The following AHCYL2 variants were observed in gnomAD, a reference collection of about 807,000 sequenced individuals.
AHCYL2 encodes the protein adenosylhomocysteinase like 2.
Under a neutral mutation model 81.4 loss-of-function variants are expected in AHCYL2, and 28 were observed. That is an observed-to-expected ratio of 0.34 (90% CI 0.25 to 0.47). The LOEUF (loss-of-function observed/expected upper bound fraction) is 0.47. Among genes scored for constraint, AHCYL2 ranks in the 20% least tolerant of loss-of-function variants. The probability of loss-of-function intolerance (pLI) is 1.00; values close to 1 mark genes in which losing one functional copy is unlikely to be tolerated. For synonymous variants in AHCYL2, 272 were observed against 290.2 expected, an observed-to-expected ratio of 0.94 and a Z score of 0.64; for missense variants, 551 against 785.1, an observed-to-expected ratio of 0.70 and a Z score of 3.56.
chr7:129,272,047 A>C (rs1377537947), intron 1 of AHCYL2, among the ~76,000 whole-genome samples: 2 of 152,210 alleles, frequency 1.3e-5, no homozygotes, highest in Non-Finnish European at 2.9e-5. Context: ...CCAGGTCATG[A>C]AAAGTTTTGC....
intron 4 of AHCYL2, among the ~76,000 whole-genome samples, chr7:129,395,511 T>G (rs1030690119): frequency 6.6e-6 from 1 of 152,198 alleles, no homozygotes; most frequent in Non-Finnish European, 1.5e-5. Context: ...AGATCCTTAC[T>G]TTGTATCAGT....
chr7:129,415,497 AC>A (rs1427935845), intron 12 of AHCYL2, among the ~76,000 whole-genome samples: 3 of 152,158 alleles, frequency 2.0e-5, no homozygotes, highest in African/African-American at 7.2e-5. Flanking sequence ...GAAGTTAACT[AC>A]CTTGTCAGGC....
At chr7:129,410,676 C>T (rs1030614226) in intron 11 of AHCYL2, among the ~76,000 whole-genome samples, 10 of 152,110 alleles carry the variant, frequency 6.6e-5, no homozygotes, top group Non-Finnish European at 1.0e-4. Flanking sequence ...AGAAAGTAGA[C>T]GAGGTTATTC....
At chr7:129,278,095 T>C (rs1791856672) in intron 1 of AHCYL2, among the ~76,000 whole-genome samples, 1 of 152,216 alleles carries the variant, frequency 6.6e-6, no homozygotes, top group Admixed American at 6.5e-5. Context: ...GTCTTTATTT[T>C]TAGCCATTCT....
intron 10 of AHCYL2, among the ~76,000 whole-genome samples, chr7:129,407,837 G>A (rs1424577338): frequency 6.6e-6 from 1 of 152,218 alleles, no homozygotes; most frequent in African/African-American, 2.4e-5. Context: ...GGAGCATAAA[G>A]GAGAAATTGC....
intron 1 of AHCYL2, among the ~76,000 whole-genome samples, chr7:129,338,727 G>C (rs1441259955): frequency 6.6e-6 from 1 of 152,140 alleles, no homozygotes. Flanking sequence ...TGGATTGTTG[G>C]TCTTTTAAAA....
In AHCYL2 at chr7:129,225,072, C is replaced by T. The variant is rs1794153540; in HGVS notation, c.-5C>T. On this transcript the variant is annotated 5_prime_UTR_variant, in exon 1 of 17. Transcript: ENST00000325006. The stretch of plus-strand genomic sequence containing the variant: ...TCTGAGCCGGTGGTTGCAGCGGAGG[C>T]GGTGATGTCGGTGCAGGTTGTGTCA... The T allele has an allele frequency of 2.5e-6, 4 of 1,585,972 alleles. No homozygotes were observed. The highest frequency in any genetic ancestry group is 2.7e-5 in the African/African-American group (2 of 74,372).
chr7:129,251,544 T>C, intron 1 of AHCYL2, among the ~76,000 whole-genome samples: 1 of 152,150 alleles, frequency 6.6e-6, no homozygotes, highest in East Asian at 1.9e-4. Flanking sequence ...ATTATTCTCT[T>C]ACATGTGTGC....
intron 1 of AHCYL2, among the ~76,000 whole-genome samples, chr7:129,231,623 A>G (rs545223575): frequency 6.6e-6 from 1 of 152,322 alleles, no homozygotes; most frequent in East Asian, 1.9e-4. Flanking sequence ...TTTAGGTGGT[A>G]GACACAATTA....
At chr7:129,372,243 G>T (rs1011729273) in intron 1 of AHCYL2, among the ~76,000 whole-genome samples, 12 of 152,052 alleles carry the variant, frequency 7.9e-5, no homozygotes, top group African/African-American at 2.7e-4. Context: ...TTTTAAATAG[G>T]CAAAGTAGAT....
At position 129,237,557 on chromosome 7, in the gene AHCYL2, T is replaced by A. The variant is rs1479489671; in HGVS notation, c.363+12118T>A. ...ATAGAAATACTTGCTATTTTAGCGA[T>A]TTTTTTTTTTTGTTTATGTAGATTA... On this transcript the variant is annotated intron_variant, in intron 1 of 16. Coordinates refer to ENST00000325006, the MANE Select transcript of AHCYL2 (RefSeq NM_015328.4). Among the ~76,000 whole-genome samples the A allele has an allele frequency of 1.1e-3, 3 of 2,846 alleles. No homozygotes were observed. The Non-Finnish European group carries it at 0.21, about 203-fold the overall frequency. 1.9% of individuals were successfully genotyped at this position (2,846 alleles called of 152,430 possible).
intron 1 of AHCYL2, among the ~76,000 whole-genome samples, chr7:129,370,076 T>C (rs959250355): frequency 2.6e-5 from 4 of 152,176 alleles, no homozygotes; most frequent in African/African-American, 9.7e-5. Flanking sequence ...TTGGTATTTC[T>C]ATAAAGGAAT....
chr7:129,305,205 T>C (rs1278054360), intron 1 of AHCYL2, among the ~76,000 whole-genome samples: 1 of 152,206 alleles, frequency 6.6e-6, no homozygotes, highest in Non-Finnish European at 1.5e-5. Flanking sequence ...CTCATGCCTG[T>C]AATCCCAGCA....
At chr7:129,321,761 TTTTGGTCTTG>T (rs1798033795) in intron 1 of AHCYL2, among the ~76,000 whole-genome samples, 1 of 143,054 alleles carries the variant, frequency 7.0e-6, no homozygotes, top group African/African-American at 2.6e-5. Context: ...TTTTTTTTTT[TTTTGGTCTTG>T]GTTTTGTTTT....
intron 15 of AHCYL2, 44 bp downstream of exon 15, chr7:129,425,185 A>G (rs764003884): frequency 6.3e-7 from 1 of 1,575,392 alleles, no homozygotes; most frequent in East Asian, 2.2e-5. Flanking sequence ...AAAGTAGTTC[A>G]GAGTCTGAGG....
At chr7:129,332,963 C>T (rs769319693) in intron 1 of AHCYL2, among the ~76,000 whole-genome samples, 5 of 152,138 alleles carry the variant, frequency 3.3e-5, no homozygotes, top group Non-Finnish European at 5.9e-5. Context: ...TTGACTTAGT[C>T]ATTCTTCCCA....
chr7:129,319,404 C>T (rs1797935066), intron 1 of AHCYL2, among the ~76,000 whole-genome samples: 1 of 151,608 alleles, frequency 6.6e-6, no homozygotes, highest in Non-Finnish European at 1.5e-5. Context: ...GAGCCAAGAT[C>T]ACACCACTGC....
chr7:129,268,128 A>C (rs1306032995), intron 1 of AHCYL2, among the ~76,000 whole-genome samples: 1 of 152,188 alleles, frequency 6.6e-6, no homozygotes, highest in Non-Finnish European at 1.5e-5. Context: ...GTAATTTAGT[A>C]AATTTAAACT....
intron 1 of AHCYL2, among the ~76,000 whole-genome samples, chr7:129,334,796 G>A (rs1297491208): frequency 1.3e-5 from 2 of 152,112 alleles, no homozygotes; most frequent in Non-Finnish European, 2.9e-5. Flanking sequence ...GCATAAAGGG[G>A]TGATTGATTA....
Sources: allele counts gnomAD v4.1 joint callset (sites outside exome capture counted in the v4.1 genomes callset), GRCh38; gene constraint gnomAD v4.1.1; transcripts MANE v1.5; gene names NCBI Gene and HGNC (gene_info 2026-07-23, HGNC 2026-07-21).